The following SYTL2 variants were observed in gnomAD, a reference collection of about 807,000 sequenced individuals.
SYTL2 encodes synaptotagmin like 2, also known as synaptotagmin-like protein 2.
In SYTL2, 165 loss-of-function variants were observed where a neutral mutation model predicts 198.7. The ratio of observed to expected loss-of-function variants is 0.83; its 90% CI spans 0.73 to 0.94. The LOEUF is 0.94. Among genes scored for constraint, SYTL2 ranks in the 40% least tolerant of loss-of-function variants. The pLI is 0.00. For synonymous variants in SYTL2, 966 were observed against 917.7 expected (o/e 1.05, Z -0.95); for missense variants, 2,835 against 2,582.8 (o/e 1.10, Z -2.12).
the SYTL2 span, among the ~76,000 whole-genome samples, chr11:85,832,600 T>C: frequency 6.6e-6 from 1 of 152,200 alleles, no homozygotes; most frequent in Middle Eastern, 3.4e-3. Context: ...TATAAGAACA[T>C]GCATTGGAAA....
In SYTL2 at chr11:85,727,931, T is replaced by C; in HGVS notation, c.1427A>G (p.Gln476Arg). Residue 476 changes from glutamine (Q) to arginine (R), a missense_variant, in exon 8 of 20, where the codon CAG becomes CGG. Around this residue, in one of 3 missense-constraint regions of SYTL2, gnomAD observed 2,645 missense variants for 2,381.7 expected, o/e 1.11. Transcript: ENST00000359152. ...LSHCVEPEPS[Q>R]VPGGSSRDRQ... Reference sequence around the variant, plus strand: ...GTCTCTAGAACTGCCACCTGGCACCTGAGATGGCTCAGGCTCAACACAATG... The same window carrying C: ...GTCTCTAGAACTGCCACCTGGCACCCGAGATGGCTCAGGCTCAACACAATG... 1 of 1,613,018 alleles carries C rather than the reference T, an allele frequency of 6.2e-7. No homozygotes were observed. Among genetic ancestry groups the C allele is most frequent in the South Asian group, 1.1e-5 (1 of 90,874 alleles).
Position 85,707,200 on chromosome 11 carries a change from G to A in SYTL2, c.6018+229C>T, listed in dbSNP as rs528198675. Among the ~76,000 whole-genome samples the A allele has an allele frequency of 6.6e-5, 10 of 152,266 alleles. No homozygotes were observed. In the East Asian group the frequency reaches 1.7e-3, roughly 26 times the overall value. ...TCCAAGTTTCATTTGCCTCATCTGT[G>A]AGATGCAGATACCAATACCAGCCTG... is the stretch of plus-strand genomic sequence containing the variant. On this transcript the variant is annotated intron_variant, in intron 15 of 19. Transcript: ENST00000359152.
intron 1 of SYTL2, among the ~76,000 whole-genome samples, chr11:85,803,897 C>T (rs895050884): frequency 2.0e-5 from 3 of 152,202 alleles, no homozygotes; most frequent in African/African-American, 7.2e-5. Flanking sequence ...AGCAAAGGGA[C>T]TGACACAGAG....
chr11:85,808,018 T>C (rs554834886), intron 1 of SYTL2, among the ~76,000 whole-genome samples: 14 of 152,156 alleles, frequency 9.2e-5, no homozygotes, highest in Non-Finnish European at 1.5e-4. Flanking sequence ...GAACGCTATA[T>C]CCCAAGTTTT....
At chr11:85,728,041 C>G in intron 7 of SYTL2, 74 bp from the exon 8 acceptor site, 2 of 1,346,654 alleles carry the variant, frequency 1.5e-6, no homozygotes, top group Non-Finnish European at 2.0e-6. Context: ...ACATCATCAT[C>G]TTTATAAAAG....
At chr11:85,829,414 G>A in the SYTL2 span, among the ~76,000 whole-genome samples, 1 of 152,150 alleles carries the variant, frequency 6.6e-6, no homozygotes, top group Non-Finnish European at 1.5e-5. Context: ...AGTATTCCAT[G>A]GTGTATATGT....
the SYTL2 span, among the ~76,000 whole-genome samples, chr11:85,832,753 G>A: frequency 6.8e-6 from 1 of 147,476 alleles, no homozygotes; most frequent in South Asian, 2.1e-4. Context: ...CAGTTTGGGA[G>A]GATGATGCAG....
intron 1 of SYTL2, among the ~76,000 whole-genome samples, chr11:85,800,087 C>A (rs1214837086): frequency 6.6e-6 from 1 of 152,142 alleles, no homozygotes; most frequent in Non-Finnish European, 1.5e-5. Flanking sequence ...GTGATGCACA[C>A]AAACACACCC....
In SYTL2 at chr11:85,718,817, C is replaced by T. The variant is rs114810966; in HGVS notation, c.5455G>A (p.Glu1819Lys). The change falls in exon 10 of 20, where the codon GAA becomes AAA. Residue 1819 changes from glutamate (E) to lysine (K), a missense_variant. Around this residue, in one of 3 missense-constraint regions of SYTL2, gnomAD observed 2,645 missense variants for 2,381.7 expected, o/e 1.11. Coordinates refer to ENST00000359152, the MANE Select transcript of SYTL2 (RefSeq NM_206927.4). ...TCTTCAGCACTACGCACTAATTCTT[C>T]TGGCTGATTATCTACTTTTGCTTGA... Reference protein sequence around the residue: ...SNQAKVDNQPEELVRSAEDDE... With the variant: ...SNQAKVDNQPKELVRSAEDDE... 8 of 1,613,726 alleles carry T rather than the reference C, an allele frequency of 5.0e-6. No individual in the cohort carries two copies. The highest frequency in any genetic ancestry group is 1.6e-4 in the Middle Eastern group (1 of 6,062).
chr11:85,714,806 T>C, intron 11 of SYTL2: 1 of 573,728 alleles, frequency 1.7e-6, no homozygotes, highest in Non-Finnish European at 2.3e-6. Context: ...CAGTGTGAAT[T>C]GGTTTAGCTT....
At chr11:85,853,346 G>A in the SYTL2 span, 4 of 444,616 alleles carry the variant, frequency 9.0e-6, no homozygotes, top group South Asian at 6.3e-5. Flanking sequence ...GGATGCTGTT[G>A]ATCTATGACC....
At chr11:85,836,116 A>C in the SYTL2 span, among the ~76,000 whole-genome samples, 2 of 152,150 alleles carry the variant, frequency 1.3e-5, no homozygotes, top group African/African-American at 4.8e-5. Flanking sequence ...AGCTCCAAAC[A>C]AACATATAAC....
At chr11:85,701,028 ATTT>A (rs1313208205) in intron 16 of SYTL2, among the ~76,000 whole-genome samples, 1 of 152,206 alleles carries the variant, frequency 6.6e-6, no homozygotes, top group East Asian at 1.9e-4. Context: ...CATATCTTAC[ATTT>A]TCAAAGCTGC....
At chr11:85,851,441 T>C in the SYTL2 span, among the ~76,000 whole-genome samples, 2 of 152,244 alleles carry the variant, frequency 1.3e-5, no homozygotes, top group African/African-American at 2.4e-5. Flanking sequence ...GTTGTTTCTG[T>C]TTAGCAATTG....
At chr11:85,789,476 C>G (rs1304496673) in intron 1 of SYTL2, among the ~76,000 whole-genome samples, 1 of 146,884 alleles carries the variant, frequency 6.8e-6, no homozygotes, top group African/African-American at 2.5e-5. Context: ...CTCAAGCAAG[C>G]CTCTCACCTT....
chr11:85,850,312 T>G, the SYTL2 span, among the ~76,000 whole-genome samples: 1 of 152,086 alleles, frequency 6.6e-6, no homozygotes, highest in South Asian at 2.1e-4. Flanking sequence ...TGGCCAGAAC[T>G]TCCAACAAAT....
intron 1 of SYTL2, among the ~76,000 whole-genome samples, chr11:85,769,622 G>A (rs867095633): frequency 2.0e-5 from 3 of 152,330 alleles, no homozygotes; most frequent in Middle Eastern, 3.4e-3. Flanking sequence ...CTGAGGACAC[G>A]ATGTTACTTA....
At chr11:85,853,428 A>C in the SYTL2 span, 1 of 397,796 alleles carries the variant, frequency 2.5e-6, no homozygotes, top group Non-Finnish European at 4.9e-6. Flanking sequence ...AGGGCGGTGC[A>C]AGATGGGCTT....
At chr11:85,755,365 G>C (rs2091800069) in intron 2 of SYTL2, among the ~76,000 whole-genome samples, 1 of 152,184 alleles carries the variant, frequency 6.6e-6, no homozygotes, top group Non-Finnish European at 1.5e-5. Context: ...TGCCTAACTA[G>C]AAAGTCTCTT....
Sources: gnomAD v4.1 joint callset for allele counts (sites outside exome capture counted in the v4.1 genomes callset) on GRCh38, gnomAD v4.1.1 for gene constraint, gnomAD v4.1.1 regional missense constraint, MANE v1.5 for transcripts, NCBI Gene and HGNC (gene_info 2026-07-23, HGNC 2026-07-21) for gene names.